CTR9: variants seen among roughly 807,000 people sequenced by gnomAD.
CTR9 encodes RNA polymerase-associated protein CTR9 homolog.
In CTR9, 41 loss-of-function variants were observed where a neutral mutation model predicts 152.1. That is an observed-to-expected ratio of 0.27 (90% CI 0.21 to 0.35). The LOEUF (loss-of-function observed/expected upper bound fraction) is 0.35, where lower values mean the gene tolerates loss of function less well. Among genes scored for constraint, CTR9 ranks in the 10% least tolerant of loss-of-function variants. The pLI, the probability that CTR9 is intolerant of heterozygous loss-of-function variation, is 1.00. For missense variants in CTR9, 917 were observed against 1,424.4 expected (o/e 0.64, Z 5.73); for synonymous variants, 476 against 496.2 (o/e 0.96, Z 0.54).
chr11:10,779,018 A>G lies in CTR9; in HGVS notation c.3435A>G (p.Gln1145=). ...GATCTGATAATGAGGGTTCTGGCCA[A>G]GGCTCTGGAAATGAATCGGAACCAG... ...ERGSDNEGSG[Q]GSGNESEPEG... Residue 1145 remains glutamine, a synonymous_variant, in exon 25 of 25, where the codon CAA becomes CAG. Transcript: ENST00000361367. 1 of 1,614,210 alleles carries G rather than the reference A, an allele frequency of 6.2e-7. No homozygotes were observed. Among genetic ancestry groups the G allele is most frequent in the Non-Finnish European group, 8.5e-7 (1 of 1,180,034 alleles).
intron 11 of CTR9, 41 bp downstream of exon 11, chr11:10,764,477 A>G (rs1863027777): frequency 1.3e-6 from 2 of 1,487,424 alleles, no homozygotes; most frequent in African/African-American, 2.1e-5. Context: ...TACTGAATCA[A>G]GTTGCATGCA....
Position 10,778,957 on chromosome 11 carries a change from C to G in CTR9, c.3374C>G (p.Ser1125Cys). The change falls in exon 25 of 25, where the codon TCT becomes TGT. Residue 1125 changes from serine (S) to cysteine (C), a missense_variant. Ser to Cys is a moderately radical substitution (Grantham distance 112). Transcript: ENST00000361367. ...TCTGAGAACGACTCTCGCCCAGCTTCTCCAAGTGCCGAATCAGATCACGAA... is the reference window on the plus strand; with the variant it reads ...TCTGAGAACGACTCTCGCCCAGCTTGTCCAAGTGCCGAATCAGATCACGAA... ...GVSENDSRPASPSAESDHESE... is the reference protein window; with the variant it reads ...GVSENDSRPACPSAESDHESE... 6.2e-7 allele frequency: 1 copy of G among 1,614,136 alleles called. No individual in the cohort carries two copies. Among genetic ancestry groups the G allele is most frequent in the Non-Finnish European group, 8.5e-7 (1 of 1,180,032 alleles).
Position 10,779,191 on chromosome 11 carries a change from C to A in CTR9, c.*86C>A. The A allele has an allele frequency of 1.4e-6, 2 of 1,383,836 alleles. No homozygotes were observed. The highest frequency in any genetic ancestry group is 9.7e-7 in the Non-Finnish European group (1 of 1,035,976). The allele number at this position is 1,383,836 out of a possible 1,614,324, so 85.7% of individuals were successfully genotyped here. A position where few individuals can be genotyped will look rare whatever the true frequency, so the allele number is the denominator to read the frequency against. ...GATAAAAATGTTTCAGATGTTTAGT[C>A]AATTGTGAAATTTTTCTTAAGGCAA... On this transcript the variant is annotated 3_prime_UTR_variant, in exon 25 of 25. Coordinates refer to ENST00000361367, the MANE Select transcript of CTR9 (RefSeq NM_014633.5).
intron 18 of CTR9, among the ~76,000 whole-genome samples, chr11:10,771,265 G>A (rs1167262937): frequency 4.6e-5 from 7 of 152,144 alleles, no homozygotes; most frequent in Admixed American, 3.9e-4. Flanking sequence ...CCTGAGCCCC[G>A]TAACCTCCAT....
chr11:10,771,048 C>G lies in CTR9; in HGVS notation c.2372+416C>G, dbSNP rs61871739. On this transcript the variant is annotated intron_variant, in intron 18 of 24. Transcript: ENST00000361367. ...TAATGGGATGTTGATTTTCATTGAA[C>G]TAGGATTAAGGTTTTACTTCTTAAA... is the stretch of plus-strand genomic sequence containing the variant. 7.1e-3 allele frequency among the ~76,000 whole-genome samples: 1,086 copies of G among 152,286 alleles called. 12 individuals are homozygous for G. The highest frequency in any genetic ancestry group is 0.011 in the Non-Finnish European group (773 of 68,016).
chr11:10,772,740 C>T, intron 20 of CTR9, 85 bp downstream of exon 20: 1 of 1,350,102 alleles, frequency 7.4e-7, no homozygotes, highest in Non-Finnish European at 9.9e-7. Flanking sequence ...AAGTCCTCTG[C>T]CAGGCGTGGT....
Position 10,770,258 on chromosome 11 carries a change from G to GT in CTR9, c.2159dup (p.Leu721ThrfsTer24). ...CTATAAGCACCAAAACACTGAAGTT[G>GT]TACTCTATTTGGCCCGGGCCCTCTT... is the stretch of plus-strand genomic sequence containing the variant. On this transcript the variant is annotated frameshift_variant, in exon 17 of 25. Coordinates refer to ENST00000361367, the MANE Select transcript of CTR9 (RefSeq NM_014633.5). LOFTEE classifies it high-confidence loss of function. 6.2e-7 allele frequency: 1 copy of GT among 1,614,046 alleles called. No individual in the cohort carries two copies. The highest frequency in any genetic ancestry group is 8.5e-7 in the Non-Finnish European group (1 of 1,179,986).
At chr11:10,761,843 G>T (rs1862983567) in intron 6 of CTR9, 104 bp from the exon 7 acceptor site, 1 of 636,420 alleles carries the variant, frequency 1.6e-6, no homozygotes, top group East Asian at 2.9e-5. Context: ...TTTAGTGTCT[G>T]ATCTTAGGAT....
intron 5 of CTR9, among the ~76,000 whole-genome samples, chr11:10,758,986 C>G (rs1031880361): frequency 6.6e-6 from 1 of 152,208 alleles, no homozygotes; most frequent in Non-Finnish European, 1.5e-5. Flanking sequence ...TTACACCTTG[C>G]ACTCCAATAC....
chr11:10,752,913 A>G, intron 2 of CTR9, 143 bp downstream of exon 2: 1 of 669,292 alleles, frequency 1.5e-6, no homozygotes, highest in South Asian at 1.9e-5. Flanking sequence ...TTAATAATTT[A>G]TGGAACAATA....
In CTR9 at chr11:10,755,047, T is replaced by C. The variant is rs1182074360; in HGVS notation, c.234T>C (p.His78=). The C allele has an allele frequency of 1.2e-6, 2 of 1,614,062 alleles. No individual in the cohort carries two copies. Among genetic ancestry groups the C allele is most frequent in the East Asian group, 2.2e-5 (1 of 44,856 alleles). The change falls in exon 3 of 25, where the codon CAT becomes CAC. Residue 78 remains histidine, a synonymous_variant. Coordinates refer to ENST00000361367, the MANE Select transcript of CTR9 (RefSeq NM_014633.5). ...ATGGCAATTTGGACTATAGAGACCA[T>C]GAAAAAGACCAGATGACTTGCTTGG... ...RIDGNLDYRD[H]EKDQMTCLDT... is the part of the protein sequence containing the mutation.
chr11:10,770,346 T>C lies in CTR9; in HGVS notation c.2226+20T>C, dbSNP rs1193103168. 1.9e-6 allele frequency: 3 copies of C among 1,600,392 alleles called. No individual in the cohort carries two copies. The Admixed American group carries it at 5.1e-5, about 27-fold the overall frequency. On this transcript the variant is annotated intron_variant, in intron 17 of 24. Transcript: ENST00000361367. The stretch of plus-strand genomic sequence containing the variant: ...CTGAAGGTAAAAAGGAGAGATGTTA[T>C]TCCCATCCATTTCTGTGCTACATTG...
intron 18 of CTR9, 25 bp downstream of exon 18, chr11:10,770,657 A>G (rs762371479): frequency 3.8e-6 from 6 of 1,596,540 alleles, no homozygotes; most frequent in Non-Finnish European, 4.3e-6. Context: ...GAAACAACCT[A>G]TGAAATGCTT....
rs2135389978 is a variant in CTR9, at chr11:10,779,238, A to ATAT, written c.*136_*138dup. On this transcript the variant is annotated 3_prime_UTR_variant, in exon 25 of 25. Transcript: ENST00000361367. ...GCAATTTTCTTTTCTATCAGTTTGT[A>ATAT]TATTACTAAGCCCCAAGAGACATTT... 1 of 836,770 alleles carries ATAT rather than the reference A, an allele frequency of 1.2e-6. No individual in the cohort carries two copies. Among genetic ancestry groups the ATAT allele is most frequent in the East Asian group, 2.7e-5 (1 of 37,280 alleles). The allele number at this position is 836,770 out of a possible 1,614,324, so 51.8% of individuals were successfully genotyped here.
At chr11:10,770,740 C>T in intron 18 of CTR9, 108 bp downstream of exon 18, 1 of 1,035,350 alleles carries the variant, frequency 9.7e-7, no homozygotes, top group South Asian at 1.9e-5. Flanking sequence ...AGCTATTTGT[C>T]TCAAGCTGCT....
intron 2 of CTR9, among the ~76,000 whole-genome samples, chr11:10,753,138 C>T (rs1390576): frequency 0.31 from 47,597 of 152,074 alleles, 10,304 homozygotes; most frequent in African/African-American, 0.62. Context: ...CAACAAAACA[C>T]TTCCCTTAAA....
chr11:10,773,731 A>G (rs1343552308), intron 21 of CTR9, among the ~76,000 whole-genome samples: 2 of 152,110 alleles, frequency 1.3e-5, no homozygotes, highest in African/African-American at 2.4e-5. Context: ...TAAAAAGTAC[A>G]GAAATTAGCC....
rs201006625 is a variant in CTR9 at position 10,767,658 on chromosome 11, C to CAAAAA, written c.1687-141_1687-137dup. 12 of 580,274 alleles carry CAAAAA rather than the reference C, an allele frequency of 2.1e-5. No individual in the cohort carries two copies. The African/African-American group carries it at 2.1e-4, about 10-fold the overall frequency. The allele number at this position is 580,274 out of a possible 1,614,324, so 35.9% of individuals were successfully genotyped here. On this transcript the variant is annotated intron_variant, in intron 13 of 24. Transcript: ENST00000361367. This position sits in a 1 kb window ranked among gnomAD's most constrained non-coding sequence, Gnocchi z 4.0. ...AGTTCGATAAATTTGGATTGCCATG[C>CAAAAA]AAAAAAAAAAAGAAAGAAAGAAAAG...
intron 18 of CTR9, 68 bp downstream of exon 18, chr11:10,770,700 T>C: frequency 7.1e-7 from 1 of 1,412,376 alleles, no homozygotes; most frequent in Non-Finnish European, 9.5e-7. Context: ...TCTTGAACTC[T>C]CCCGATTTTG....
Sources: allele counts gnomAD v4.1 joint callset (sites outside exome capture counted in the v4.1 genomes callset), GRCh38; gene constraint gnomAD v4.1.1; non-coding constraint Gnocchi (gnomAD v3.1); transcripts MANE v1.5; gene names NCBI Gene and HGNC (gene_info 2026-07-23, HGNC 2026-07-21).